Variants in RAB1A observed in about 807,000 individuals in gnomAD.
RAB1A encodes the protein RAB1A, member RAS oncogene family.
A neutral mutation model predicts 26.0 loss-of-function variants in RAB1A; 2 were observed. The observed-to-expected ratio is 0.08, with a 90% CI of 0.03 to 0.24. RAB1A has a LOEUF of 0.24. Ranked by LOEUF, RAB1A falls within the 10% of genes least tolerant of loss-of-function variation. The pLI is 1.00. For synonymous variants in RAB1A, 84 were observed against 84.9 expected, an observed-to-expected ratio of 0.99 and a Z score of 0.06; for missense variants, 100 against 247.0, an observed-to-expected ratio of 0.40 and a Z score of 3.99.
intron 2 of RAB1A, among the ~76,000 whole-genome samples, chr2:65,103,594 A>C (rs991944373): frequency 6.6e-6 from 1 of 152,030 alleles, no homozygotes; most frequent in Non-Finnish European, 1.5e-5. Context: ...TGAAAAACGC[A>C]AACATCTTTT....
At position 65,121,318 on chromosome 2, in the gene RAB1A, G is replaced by A. The variant is rs145217918; in HGVS notation, c.23+8575C>T. 2.7e-3 allele frequency among the ~76,000 whole-genome samples: 414 copies of A among 150,748 alleles called. 1 individual carries two copies. The highest frequency in any genetic ancestry group is 9.6e-3 in the African/African-American group (394 of 41,066). On this transcript the variant is annotated intron_variant, in intron 1 of 5. Transcript: ENST00000409784. Reference sequence around the variant, plus strand: ...GCACCTAGTATTATTAAAAAGTGATGTTTCCAAAAGAATGGTCCCTCTTGT... The same window carrying A: ...GCACCTAGTATTATTAAAAAGTGATATTTCCAAAAGAATGGTCCCTCTTGT...
rs565630348 is a variant in RAB1A at position 65,099,822 on chromosome 2, G to A, written c.97-1756C>T. 3.4e-4 allele frequency among the ~76,000 whole-genome samples: 52 copies of A among 152,246 alleles called. 1 individual carries two copies. The highest frequency in any genetic ancestry group is 1.6e-3 in the Admixed American group (24 of 15,284). On this transcript the variant is annotated intron_variant, in intron 2 of 5. Transcript: ENST00000409784. ...AAATTTAAATAGCTACATAGAGCTA[G>A]TAGCTACTCTAAGGATAGTGCAGTT...
At chr2:65,122,475 T>G (rs1669989702) in intron 1 of RAB1A, among the ~76,000 whole-genome samples, 1 of 151,724 alleles carries the variant, frequency 6.6e-6, no homozygotes. Flanking sequence ...GGAGGATCAC[T>G]GAAACCCGGC....
chr2:65,098,411 GAAT>G (rs1259384013), intron 2 of RAB1A, among the ~76,000 whole-genome samples: 2 of 152,040 alleles, frequency 1.3e-5, no homozygotes, highest in Admixed American at 6.6e-5. Context: ...CAATGATTAT[GAAT>G]AATTTTTCTA....
intron 2 of RAB1A, among the ~76,000 whole-genome samples, chr2:65,098,580 A>T (rs1282180674): frequency 6.6e-6 from 1 of 152,102 alleles, no homozygotes; most frequent in Non-Finnish European, 1.5e-5. Flanking sequence ...CACCCTTTTG[A>T]AGTGGACAAT....
intron 1 of RAB1A, among the ~76,000 whole-genome samples, chr2:65,119,129 TG>T (rs11354150): frequency 0.047 from 7,191 of 152,160 alleles, 174 homozygotes; most frequent in South Asian, 0.086. Flanking sequence ...CACCAGAGCC[TG>T]GGAAGTCCAG....
chr2:65,090,265 T>C (rs1669140854), intron 4 of RAB1A, among the ~76,000 whole-genome samples: 2 of 152,222 alleles, frequency 1.3e-5, no homozygotes, highest in South Asian at 2.1e-4. Context: ...TAATTAGCTA[T>C]GATTTCTCAT....
intron 1 of RAB1A, among the ~76,000 whole-genome samples, chr2:65,128,426 A>G (rs1014680111): frequency 1.3e-5 from 2 of 152,226 alleles, no homozygotes; most frequent in Admixed American, 1.3e-4. Flanking sequence ...ACCTCCGTTC[A>G]ACTGTGCAAA....
chr2:65,088,487 C>G lies in RAB1A; in HGVS notation c.*6G>C. 6.3e-7 allele frequency: 1 copy of G among 1,591,106 alleles called. No homozygotes were observed. The highest frequency in any genetic ancestry group is 1.2e-5 in the South Asian group (1 of 86,714). On this transcript the variant is annotated 3_prime_UTR_variant, in exon 6 of 6. Coordinates refer to ENST00000409784, the MANE Select transcript of RAB1A (RefSeq NM_004161.5). Reference sequence around the variant, plus strand: ...CATTGCTGTGAGAAAAGGATGGAGGCAAATTTTAGCAGCAACCTCCACCTG... The same window carrying G: ...CATTGCTGTGAGAAAAGGATGGAGGGAAATTTTAGCAGCAACCTCCACCTG...
intron 5 of RAB1A, 65 bp from the exon 6 acceptor site, chr2:65,088,755 T>A: frequency 2.8e-6 from 4 of 1,404,972 alleles, no homozygotes; most frequent in Non-Finnish European, 3.9e-6. Flanking sequence ...AGTGCATTTC[T>A]ACCATCCATA....
intron 2 of RAB1A, among the ~76,000 whole-genome samples, chr2:65,101,039 G>A (rs188872084): frequency 1.3e-5 from 2 of 151,808 alleles, no homozygotes; most frequent in Non-Finnish European, 2.9e-5. Flanking sequence ...CCAGCTACTC[G>A]GGAGGCTGAG....
intron 1 of RAB1A, among the ~76,000 whole-genome samples, chr2:65,126,200 G>A (rs894647234): frequency 6.6e-6 from 1 of 151,952 alleles, no homozygotes; most frequent in South Asian, 2.1e-4. Flanking sequence ...TGTAATCCCA[G>A]CTACTCAGGA....
chr2:65,121,892 C>T (rs1227982653), intron 1 of RAB1A, among the ~76,000 whole-genome samples: 1 of 152,210 alleles, frequency 6.6e-6, no homozygotes, highest in Admixed American at 6.5e-5. Context: ...AACGTAGTGG[C>T]TCACGCCTGT....
At chr2:65,104,100 G>A (rs1388975158) in intron 2 of RAB1A, among the ~76,000 whole-genome samples, 1 of 152,148 alleles carries the variant, frequency 6.6e-6, no homozygotes, top group African/African-American at 2.4e-5. Flanking sequence ...AAATTTAAAG[G>A]TAGTTGATAA....
At chr2:65,097,339 A>AG (rs553378033) in intron 3 of RAB1A, among the ~76,000 whole-genome samples, 66 of 152,240 alleles carry the variant, frequency 4.3e-4, no homozygotes, top group African/African-American at 1.5e-3. Context: ...AAGATGGATA[A>AG]GGGGGATAGG....
At chr2:65,112,832 T>C (rs949418229) in intron 1 of RAB1A, among the ~76,000 whole-genome samples, 9 of 152,204 alleles carry the variant, frequency 5.9e-5, no homozygotes, top group African/African-American at 1.7e-4. Flanking sequence ...TTTCGCAATA[T>C]TGGAGGTTCC....
chr2:65,114,909 T>C (rs929625595), intron 1 of RAB1A, among the ~76,000 whole-genome samples: 22 of 151,698 alleles, frequency 1.5e-4, no homozygotes, highest in African/African-American at 4.8e-4. Flanking sequence ...TGAGAGGTGA[T>C]TAGGTCACAA....
chr2:65,105,511 C>CAAAAAAAAAAAAAAAAAAAAAAAA (rs60594101), intron 1 of RAB1A: 1 of 33,028 alleles, frequency 3.0e-5, no homozygotes, highest in African/African-American at 1.0e-4. Context: ...AACTCTGTCT[C>CAAAAAAAAAAAAAAAAAAAAAAAA]AAAAAAAAAA....
At position 65,110,356 on chromosome 2, in the gene RAB1A, G is replaced by A. The variant is rs572439735; in HGVS notation, c.24-5550C>T. 1.0e-4 allele frequency among the ~76,000 whole-genome samples: 15 copies of A among 150,138 alleles called. No homozygotes were observed. In the East Asian group the frequency reaches 2.8e-3, roughly 28 times the overall value. On this transcript the variant is annotated intron_variant, in intron 1 of 5. Coordinates refer to ENST00000409784, the MANE Select transcript of RAB1A (RefSeq NM_004161.5). ...CTCAGGAGGCTGAGGCAGGAGAATC[G>A]CTTGAACCCGGGAGGTGGAGGTTGC... is the stretch of plus-strand genomic sequence containing the variant.
Sources: gnomAD v4.1 joint callset for allele counts (sites outside exome capture counted in the v4.1 genomes callset) on GRCh38, gnomAD v4.1.1 for gene constraint, MANE v1.5 for transcripts, NCBI Gene and HGNC (gene_info 2026-07-23, HGNC 2026-07-21) for gene names.